QTMAN: variants seen among roughly 807,000 people sequenced by gnomAD.
QTMAN encodes the protein queuosine-tRNA mannosyltransferase.
the QTMAN span, among the ~76,000 whole-genome samples, chr2:144,155,103 G>A: frequency 6.6e-6 from 1 of 152,144 alleles, no homozygotes; most frequent in African/African-American, 2.4e-5. Flanking sequence ...CACCCAACAC[G>A]ATTCTATGAT....
the QTMAN span, among the ~76,000 whole-genome samples, chr2:144,246,521 C>T: frequency 7.2e-6 from 1 of 138,232 alleles, no homozygotes; most frequent in Non-Finnish European, 1.5e-5. Context: ...TGCCGTGAGC[C>T]GAGATTGCGC....
chr2:144,182,845 T>C, the QTMAN span, among the ~76,000 whole-genome samples: 1 of 64,162 alleles, frequency 1.6e-5, no homozygotes, highest in East Asian at 4.3e-4. Flanking sequence ...ATATATTATA[T>C]ATATATTTTA....
the QTMAN span, chr2:143,940,442 C>T: frequency 2.2e-4 from 33 of 152,166 alleles, no homozygotes; most frequent in Non-Finnish European, 3.8e-4. Flanking sequence ...AGATAATATA[C>T]CATTGGTATT....
At chr2:144,193,216 A>T in the QTMAN span, among the ~76,000 whole-genome samples, 3 of 151,998 alleles carry the variant, frequency 2.0e-5, no homozygotes, top group African/African-American at 4.8e-5. Context: ...TCTTTTTCAT[A>T]CTGATAATTC....
chr2:144,190,807 G>C, the QTMAN span, among the ~76,000 whole-genome samples: 2 of 152,098 alleles, frequency 1.3e-5, no homozygotes, highest in Non-Finnish European at 2.9e-5. Flanking sequence ...CTTCAAAAGC[G>C]CTACAAAGGT....
chr2:144,103,776 T>A, the QTMAN span, among the ~76,000 whole-genome samples: 1 of 152,184 alleles, frequency 6.6e-6, no homozygotes, highest in Non-Finnish European at 1.5e-5. Flanking sequence ...TCTATTAATA[T>A]ACAGTTAGGT....
At chr2:144,222,384 T>A in the QTMAN span, among the ~76,000 whole-genome samples, 1 of 151,604 alleles carries the variant, frequency 6.6e-6, no homozygotes, top group African/African-American at 2.4e-5. Flanking sequence ...AAACTTCAAG[T>A]AAAATGCCAA....
the QTMAN span, among the ~76,000 whole-genome samples, chr2:144,152,784 C>A: frequency 2.0e-5 from 3 of 152,126 alleles, no homozygotes; most frequent in South Asian, 2.1e-4. Context: ...TAAGATATCA[C>A]CCCGTTCTAA....
the QTMAN span, among the ~76,000 whole-genome samples, chr2:144,085,782 G>A: frequency 6.6e-6 from 1 of 152,242 alleles, no homozygotes; most frequent in South Asian, 2.1e-4. Context: ...AATTTTGTAT[G>A]ACACCAGTTT....
At chr2:144,025,358 T>C in the QTMAN span, among the ~76,000 whole-genome samples, 1 of 152,136 alleles carries the variant, frequency 6.6e-6, no homozygotes. Flanking sequence ...GCATAGATCA[T>C]GGTGATGGCC....
chr2:144,211,961 A>G, the QTMAN span, among the ~76,000 whole-genome samples: 5 of 152,208 alleles, frequency 3.3e-5, no homozygotes, highest in East Asian at 7.7e-4. Context: ...ACTTGGAAGC[A>G]GCAGTAATAG....
the QTMAN span, among the ~76,000 whole-genome samples, chr2:144,088,834 A>C: frequency 6.6e-6 from 1 of 152,132 alleles, no homozygotes; most frequent in African/African-American, 2.4e-5. Flanking sequence ...AATGGATTAA[A>C]GATTTAAACA....
At chr2:144,080,240 A>G in the QTMAN span, among the ~76,000 whole-genome samples, 3 of 152,144 alleles carry the variant, frequency 2.0e-5, no homozygotes, top group Non-Finnish European at 4.4e-5. Context: ...CACAAGCAAA[A>G]TGTCTCTATA....
the QTMAN span, among the ~76,000 whole-genome samples, chr2:144,271,727 C>T: frequency 3.3e-5 from 5 of 152,108 alleles, no homozygotes; most frequent in Non-Finnish European, 7.4e-5. Context: ...ATGGCTTCTC[C>T]CTCAATCTCT....
chr2:144,173,450 G>A, the QTMAN span, among the ~76,000 whole-genome samples: 4 of 152,176 alleles, frequency 2.6e-5, no homozygotes, highest in Non-Finnish European at 5.9e-5. Flanking sequence ...CACGTGGCAA[G>A]AAATGAGGGT....
chr2:143,974,235 T>C, the QTMAN span, among the ~76,000 whole-genome samples: 3 of 152,192 alleles, frequency 2.0e-5, no homozygotes, highest in Admixed American at 1.3e-4. Flanking sequence ...TCTCATCCAC[T>C]GCTGGTAGGA....
the QTMAN span, among the ~76,000 whole-genome samples, chr2:144,327,945 G>GTTATTTAT: frequency 1.3e-5 from 2 of 151,676 alleles, no homozygotes; most frequent in Non-Finnish European, 2.9e-5. Flanking sequence ...TGCTTCTCTG[G>GTTATTTAT]TTATTTATTT....
the QTMAN span, among the ~76,000 whole-genome samples, chr2:144,148,255 T>C: frequency 6.6e-6 from 1 of 151,920 alleles, no homozygotes; most frequent in East Asian, 1.9e-4. Flanking sequence ...AATTATTAAA[T>C]AGTTCAGCCA....
the QTMAN span, among the ~76,000 whole-genome samples, chr2:144,332,181 G>GT: frequency 9.8e-3 from 1 of 102 alleles, no homozygotes; most frequent in Non-Finnish European, 0.024. Context: ...ATGCCACGGC[G>GT]TGACGCCCCA....
Sources: gnomAD v4.1 joint callset for allele counts (sites outside exome capture counted in the v4.1 genomes callset) on GRCh38, gnomAD v4.1.1 for gene constraint, MANE v1.5 for transcripts, NCBI Gene and HGNC (gene_info 2026-07-23, HGNC 2026-07-21) for gene names.